The following ECT2L variants were observed in gnomAD, a reference collection of about 807,000 sequenced individuals.
ECT2L encodes epithelial cell transforming 2 like, also known as epithelial cell-transforming sequence 2 oncogene-like.
Under a neutral mutation model 122.8 loss-of-function variants are expected in ECT2L, and 126 were observed. The ratio of observed to expected loss-of-function variants is 1.03; its 90% CI spans 0.89 to 1.19. The LOEUF (loss-of-function observed/expected upper bound fraction) is 1.19. ECT2L is among the 50% of genes most tolerant of loss of function. ECT2L has a pLI of 0.00. For missense variants in ECT2L, 1,012 were observed against 1,064.1 expected (o/e 0.95, Z 0.68); for synonymous variants, 385 against 381.8 (o/e 1.01, Z -0.10).
At chr6:138,864,543 G>A (rs1480675895) in intron 11 of ECT2L, among the ~76,000 whole-genome samples, 3 of 152,184 alleles carry the variant, frequency 2.0e-5, no homozygotes, top group Non-Finnish European at 2.9e-5. Context: ...CATAATTTAA[G>A]AAAGATAAGG....
chr6:138,868,158 T>C lies in ECT2L; in HGVS notation c.1530T>C (p.Thr510=), dbSNP rs371417476. The C allele has an allele frequency of 1.7e-5, 27 of 1,613,770 alleles. 1 individual carries two copies. The highest frequency in any genetic ancestry group is 1.6e-4 in the Middle Eastern group (1 of 6,084). The change falls in exon 13 of 22, where the codon ACT becomes ACC. Residue 510 remains threonine (T), a synonymous_variant. Transcript: ENST00000541398. ...CCAACATTCTAAACAACCAAGATACTGCGCAAGCTCTGGCAGATGGATTGA... is the reference window on the plus strand; with the variant it reads ...CCAACATTCTAAACAACCAAGATACCGCGCAAGCTCTGGCAGATGGATTGA... The part of the protein sequence containing the change: ...GMTNILNNQD[T]AQALADGLME...
chr6:138,849,247 C>A, intron 8 of ECT2L, 22 bp from the exon 9 acceptor site: 1 of 1,578,094 alleles, frequency 6.3e-7, no homozygotes, highest in African/African-American at 1.4e-5. Flanking sequence ...TTGGCTCTTA[C>A]AGCTTTGGTT....
chr6:138,808,279 T>G (rs1775776464), intron 1 of ECT2L, among the ~76,000 whole-genome samples: 1 of 152,214 alleles, frequency 6.6e-6, no homozygotes, highest in African/African-American at 2.4e-5. Flanking sequence ...GGATCTCATT[T>G]GGTTGCCCAG....
At position 138,847,355 on chromosome 6, in the gene ECT2L, C is replaced by CTTT. The variant is rs1170631663; in HGVS notation, c.903+709_903+711dup. 5.4e-3 allele frequency among the ~76,000 whole-genome samples: 299 copies of CTTT among 54,954 alleles called. 66 individuals are homozygous for CTTT. Among genetic ancestry groups the CTTT allele is most frequent in the African/African-American group, 0.012 (142 of 12,288 alleles). 36.1% of individuals were successfully genotyped at this position (54,954 alleles called of 152,430 possible). ...TTTGAAAAAGCATTAAAGGCCCAAA[C>CTTT]TTTTTTTTTTTTTTTTTTTTTTTTT... On this transcript the variant is annotated intron_variant, in intron 8 of 21. Transcript: ENST00000541398.
At chr6:138,858,852 C>T (rs909730680) in intron 10 of ECT2L, among the ~76,000 whole-genome samples, 1 of 151,778 alleles carries the variant, frequency 6.6e-6, no homozygotes, top group Non-Finnish European at 1.5e-5. Flanking sequence ...ACTACAGGCA[C>T]ACAACACCAT....
At chr6:138,817,646 A>G (rs892884250) in intron 4 of ECT2L, among the ~76,000 whole-genome samples, 1 of 152,182 alleles carries the variant, frequency 6.6e-6, no homozygotes, top group African/African-American at 2.4e-5. Flanking sequence ...GATATATTCA[A>G]ATATCTTAGA....
chr6:138,799,330 T>A (rs967563230), intron 1 of ECT2L, among the ~76,000 whole-genome samples: 5 of 151,652 alleles, frequency 3.3e-5, no homozygotes, highest in African/African-American at 1.2e-4. Context: ...CTCGGCTCAC[T>A]GCAAGCTCCG....
chr6:138,841,725 T>TCTC (rs775507026), intron 5 of ECT2L, among the ~76,000 whole-genome samples: 1 of 152,256 alleles, frequency 6.6e-6, no homozygotes, highest in Non-Finnish European at 1.5e-5. Flanking sequence ...CAGGCTTACC[T>TCTC]CTCTGGGTTT....
At chr6:138,809,619 G>A (rs900032310) in intron 1 of ECT2L, among the ~76,000 whole-genome samples, 3 of 151,840 alleles carry the variant, frequency 2.0e-5, no homozygotes, top group African/African-American at 7.3e-5. Context: ...ATATATTACT[G>A]AGTTTGGTGT....
chr6:138,857,757 C>T (rs1777666214), intron 10 of ECT2L, among the ~76,000 whole-genome samples: 1 of 152,176 alleles, frequency 6.6e-6, no homozygotes, highest in South Asian at 2.1e-4. Flanking sequence ...TTGATCCTAG[C>T]CTCTCTCCTT....
chr6:138,880,726 A>T (rs954627181), intron 14 of ECT2L, among the ~76,000 whole-genome samples: 2 of 152,162 alleles, frequency 1.3e-5, no homozygotes, highest in Non-Finnish European at 1.5e-5. Context: ...CTTCCTTTAG[A>T]TCCAAGATTA....
intron 4 of ECT2L, among the ~76,000 whole-genome samples, chr6:138,829,720 GT>G (rs576810411): frequency 2.1e-3 from 303 of 146,974 alleles, no homozygotes; most frequent in Admixed American, 0.016. Context: ...TGTGTTTTTG[GT>G]TTTTTTTTCC....
At chr6:138,839,011 A>T (rs923220773) in intron 5 of ECT2L, among the ~76,000 whole-genome samples, 6 of 151,966 alleles carry the variant, frequency 3.9e-5, no homozygotes, top group Non-Finnish European at 7.4e-5. Context: ...CGCACTCCTG[A>T]CCTTGTGATC....
At chr6:138,820,240 C>T (rs566969308) in intron 4 of ECT2L, among the ~76,000 whole-genome samples, 131 of 152,222 alleles carry the variant, frequency 8.6e-4, no homozygotes, top group Middle Eastern at 3.4e-3. Flanking sequence ...TAGGAAAGGG[C>T]GTGTAGATAT....
chr6:138,840,971 TTC>T (rs1777020257), intron 5 of ECT2L, among the ~76,000 whole-genome samples: 1 of 152,206 alleles, frequency 6.6e-6, no homozygotes, highest in Non-Finnish European at 1.5e-5. Context: ...CCTTCAGTAT[TTC>T]AGTCTGGATT....
In ECT2L at chr6:138,843,011, C is replaced by T. The variant is rs772296643; in HGVS notation, c.375C>T (p.Phe125=). The T allele has an allele frequency of 1.0e-5, 16 of 1,566,700 alleles. No homozygotes were observed. Among genetic ancestry groups the T allele is most frequent in the East Asian group, 4.5e-5 (2 of 44,284 alleles). ...TATGGATGCCCAAATGCGTTAAGTT[C>T]GGATGGTTTCTGCCCTATACTCCAA... ...DCLWMPKCVK[F]GWFLPYTPTD... The change falls in exon 6 of 22, where the codon TTC becomes TTT. Residue 125 remains phenylalanine (F), a synonymous_variant. Coordinates refer to ENST00000541398, the MANE Select transcript of ECT2L (RefSeq NM_001077706.3).
intron 1 of ECT2L, among the ~76,000 whole-genome samples, chr6:138,799,258 ATT>A (rs59936372): frequency 4.8e-5 from 7 of 147,354 alleles, no homozygotes; most frequent in Non-Finnish European, 3.0e-5. Flanking sequence ...TGATTTTCTG[ATT>A]TTTTTTTTTT....
rs117462877 is a variant in ECT2L at position 138,825,273 on chromosome 6, T to C, written c.179+10670T>C. On this transcript the variant is annotated intron_variant, in intron 4 of 21. Coordinates refer to ENST00000541398, the MANE Select transcript of ECT2L (RefSeq NM_001077706.3). Reference sequence around the variant, plus strand: ...GCTCAATACCAATACCAGGCTTTTGTAGAAGCATTAGAAAATACATATAAT... The same window carrying C: ...GCTCAATACCAATACCAGGCTTTTGCAGAAGCATTAGAAAATACATATAAT... Among the ~76,000 whole-genome samples the C allele has an allele frequency of 1.1e-4, 17 of 152,274 alleles. No homozygotes were observed. The East Asian group carries it at 3.1e-3, about 28-fold the overall frequency.
intron 4 of ECT2L, among the ~76,000 whole-genome samples, chr6:138,836,147 C>G (rs1422302261): frequency 2.0e-5 from 3 of 151,824 alleles, no homozygotes; most frequent in Non-Finnish European, 2.9e-5. Flanking sequence ...GTTAAGATAG[C>G]TAATTAAGTA....
Sources: allele counts gnomAD v4.1 joint callset (sites outside exome capture counted in the v4.1 genomes callset), GRCh38; gene constraint gnomAD v4.1.1; transcripts MANE v1.5; gene names NCBI Gene and HGNC (gene_info 2026-07-23, HGNC 2026-07-21).